The following RNF180 variants were observed in gnomAD, a reference collection of about 807,000 sequenced individuals.
The protein encoded by RNF180 is E3 ubiquitin-protein ligase RNF180.
RNF180 carries 38 observed loss-of-function variants against 59.2 expected under a neutral mutation model. The ratio of observed to expected loss-of-function variants is 0.64; its 90% CI spans 0.50 to 0.84. The LOEUF (loss-of-function observed/expected upper bound fraction) is 0.84. RNF180 is among the 40% of genes least tolerant of loss of function. The pLI is 0.00. For missense variants in RNF180, 705 were observed against 700.9 expected (o/e 1.01, Z -0.07); for synonymous variants, 262 against 240.3 (o/e 1.09, Z -0.84).
chr5:64,202,644 C>T (rs115158381), intron 2 of RNF180, among the ~76,000 whole-genome samples: 3 of 152,088 alleles, frequency 2.0e-5, no homozygotes, highest in African/African-American at 4.8e-5. Context: ...TAGTATTTTC[C>T]GTCTTTATAA....
At chr5:64,229,441 T>C (rs893587838) in intron 5 of RNF180, among the ~76,000 whole-genome samples, 2 of 152,160 alleles carry the variant, frequency 1.3e-5, no homozygotes, top group Non-Finnish European at 2.9e-5. Context: ...TAGGGTAGAA[T>C]ATGGATTGGT....
intron 7 of RNF180, among the ~76,000 whole-genome samples, chr5:64,330,787 T>A (rs1744871180): frequency 6.6e-6 from 1 of 152,216 alleles, no homozygotes; most frequent in African/African-American, 2.4e-5. Context: ...AAGCCAGGGC[T>A]GCACATTCCA....
chr5:64,183,173 T>C (rs1274023432), intron 1 of RNF180, among the ~76,000 whole-genome samples: 1 of 152,166 alleles, frequency 6.6e-6, no homozygotes, highest in African/African-American at 2.4e-5. Flanking sequence ...CACAAAGTGA[T>C]GGGAATAATT....
At chr5:64,266,034 T>A (rs1314971344) in intron 5 of RNF180, among the ~76,000 whole-genome samples, 2 of 152,200 alleles carry the variant, frequency 1.3e-5, no homozygotes, top group African/African-American at 4.8e-5. Flanking sequence ...CTATTATTGG[T>A]GTATAAGAAT....
rs117085988 is a variant in RNF180 at position 64,262,368 on chromosome 5, G to A, written c.1227+44972G>A. 6.4e-4 allele frequency among the ~76,000 whole-genome samples: 97 copies of A among 152,204 alleles called. 1 individual carries two copies. The East Asian group carries it at 0.017, about 27-fold the overall frequency. ...CATCTGTGTGTCATCTATGCACTGG[G>A]CACTGTGCTGGATGCCTTTCATATA... On this transcript the variant is annotated intron_variant, in intron 5 of 7. Coordinates refer to ENST00000389100, the MANE Select transcript of RNF180 (RefSeq NM_001113561.2).
At chr5:64,168,905 A>T (rs1284210615) in intron 1 of RNF180, among the ~76,000 whole-genome samples, 1 of 152,194 alleles carries the variant, frequency 6.6e-6, no homozygotes, top group African/African-American at 2.4e-5. Context: ...TCATTCCATA[A>T]AATAGAATGC....
At chr5:64,187,624 C>T (rs1377681686) in intron 1 of RNF180, among the ~76,000 whole-genome samples, 1 of 152,112 alleles carries the variant, frequency 6.6e-6, no homozygotes, top group Non-Finnish European at 1.5e-5. Context: ...TATAAAATGA[C>T]AGTTTAGAAA....
intron 5 of RNF180, among the ~76,000 whole-genome samples, chr5:64,227,807 AAAATAAAT>A (rs962457769): frequency 1.2e-4 from 19 of 152,350 alleles, no homozygotes; most frequent in South Asian, 2.1e-4. Flanking sequence ...TCTCACTTTT[AAAATAAAT>A]AAATAAATAA....
intron 5 of RNF180, among the ~76,000 whole-genome samples, chr5:64,218,946 A>T (rs926344731): frequency 2.0e-5 from 3 of 152,020 alleles, no homozygotes; most frequent in Non-Finnish European, 4.4e-5. Flanking sequence ...TTCTTGTCAG[A>T]TTTATTCCTA....
At chr5:64,198,779 A>G (rs1195042425) in intron 1 of RNF180, among the ~76,000 whole-genome samples, 8 of 152,184 alleles carry the variant, frequency 5.3e-5, no homozygotes, top group African/African-American at 9.6e-5. Flanking sequence ...TGCTTCAACA[A>G]TGAAGAAAGG....
At chr5:64,365,358 G>A (rs1367776095) in intron 7 of RNF180, among the ~76,000 whole-genome samples, 1 of 151,628 alleles carries the variant, frequency 6.6e-6, no homozygotes, top group East Asian at 1.9e-4. Flanking sequence ...TTGCACTGTG[G>A]TCCAGGGGTG....
At chr5:64,360,352 C>A (rs1746201687) in intron 7 of RNF180, among the ~76,000 whole-genome samples, 1 of 151,642 alleles carries the variant, frequency 6.6e-6, no homozygotes, top group African/African-American at 2.4e-5. Flanking sequence ...AAGCCTTTGA[C>A]AAAATTCAAC....
rs747669313 is a variant in RNF180, at chr5:64,330,422, G to A, written c.1579+16G>A. The A allele has an allele frequency of 1.9e-5, 29 of 1,521,974 alleles. No homozygotes were observed. Among genetic ancestry groups the A allele is most frequent in the African/African-American group, 2.8e-5 (2 of 70,390 alleles). The allele number at this position is 1,521,974 out of a possible 1,614,324, so 94.3% of individuals were successfully genotyped here. On this transcript the variant is annotated intron_variant, in intron 7 of 7. Coordinates refer to ENST00000389100, the MANE Select transcript of RNF180 (RefSeq NM_001113561.2). The stretch of plus-strand genomic sequence containing the variant: ...CTTTTTGGAGGTAAGGAAATCTAAC[G>A]CCAAAAAAAAAGTCTGGTAATTTTG...
At chr5:64,275,110 T>A (rs1013215478) in intron 5 of RNF180, among the ~76,000 whole-genome samples, 1 of 151,624 alleles carries the variant, frequency 6.6e-6, no homozygotes, top group African/African-American at 2.4e-5. Flanking sequence ...ACAATGACAT[T>A]TATAAAAATT....
At chr5:64,207,006 T>C (rs1264241023) in intron 2 of RNF180, among the ~76,000 whole-genome samples, 1 of 152,066 alleles carries the variant, frequency 6.6e-6, no homozygotes, top group Non-Finnish European at 1.5e-5. Flanking sequence ...AACTGGAAAC[T>C]CAAAGATGAG....
rs73097085 is a variant in RNF180 at position 64,248,061 on chromosome 5, A to G, written c.1227+30665A>G. ...TGGGAAACTAGCTAGCCATACGCAGAAAACTGAAACTGGACCCAATCCTTA... is the reference window on the plus strand; with the variant it reads ...TGGGAAACTAGCTAGCCATACGCAGGAAACTGAAACTGGACCCAATCCTTA... On this transcript the variant is annotated intron_variant, in intron 5 of 7. Transcript: ENST00000389100. Among the ~76,000 whole-genome samples the G allele has an allele frequency of 5.0e-3, 755 of 152,366 alleles. 10 individuals carry two copies. The highest frequency in any genetic ancestry group is 0.017 in the African/African-American group (706 of 41,590).
At chr5:64,278,506 G>A (rs1741842194) in intron 5 of RNF180, among the ~76,000 whole-genome samples, 1 of 152,164 alleles carries the variant, frequency 6.6e-6, no homozygotes, top group Non-Finnish European at 1.5e-5. Context: ...AACTGAGGTG[G>A]TAACAGTGGC....
chr5:64,337,477 G>C (rs1363262625), intron 7 of RNF180, among the ~76,000 whole-genome samples: 1 of 151,754 alleles, frequency 6.6e-6, no homozygotes, highest in African/African-American at 2.4e-5. Context: ...GTTTCCTATT[G>C]TTGTCTAGAA....
chr5:64,180,053 A>C (rs1344579900), intron 1 of RNF180, among the ~76,000 whole-genome samples: 1 of 151,722 alleles, frequency 6.6e-6, no homozygotes, highest in Non-Finnish European at 1.5e-5. Context: ...GCACTTCCAT[A>C]CTCCTTGTTC....
Sources: gnomAD v4.1 joint callset for allele counts (sites outside exome capture counted in the v4.1 genomes callset) on GRCh38, gnomAD v4.1.1 for gene constraint, MANE v1.5 for transcripts, NCBI Gene and HGNC (gene_info 2026-07-23, HGNC 2026-07-21) for gene names.